The following LINGO2 variants were observed in gnomAD, a reference collection of about 807,000 sequenced individuals.
LINGO2 encodes leucine-rich repeat and immunoglobulin-like domain-containing nogo receptor-interacting protein 2.
LINGO2 carries 14 observed loss-of-function variants against 30.6 expected under a neutral mutation model. That is an observed-to-expected ratio of 0.46 (90% CI 0.30 to 0.72). The LOEUF (loss-of-function observed/expected upper bound fraction) is 0.72. Ranked by LOEUF, LINGO2 falls within the 30% of genes least tolerant of loss-of-function variation. The pLI, the probability that LINGO2 is intolerant of heterozygous loss-of-function variation, is 0.07. For missense variants in LINGO2, 729 were observed against 751.7 expected (o/e 0.97, Z 0.35); for synonymous variants, 317 against 288.5 (o/e 1.10, Z -1.00).
chr9:28,086,346 A>G (rs2167644), intron 4 of LINGO2, among the ~76,000 whole-genome samples: 30,122 of 152,064 alleles, frequency 0.2, 3,329 homozygotes, highest in East Asian at 0.4. Context: ...GGAAAAGCCT[A>G]TATTTCATTG....
At chr9:29,021,680 G>T in the LINGO2 span, among the ~76,000 whole-genome samples, 2 of 98,800 alleles carry the variant, frequency 2.0e-5, no homozygotes, top group African/African-American at 7.1e-5. Flanking sequence ...AGAAAGAAAA[G>T]AAAGGAAGGA....
intron 2 of LINGO2, among the ~76,000 whole-genome samples, chr9:28,460,852 A>G (rs2135119590): frequency 6.6e-6 from 1 of 152,136 alleles, no homozygotes; most frequent in South Asian, 2.1e-4. Flanking sequence ...GGAGGTGAAG[A>G]AAAGGTAAGT....
chr9:28,551,015 T>C (rs2135501610), intron 1 of LINGO2, among the ~76,000 whole-genome samples: 1 of 151,990 alleles, frequency 6.6e-6, no homozygotes, highest in South Asian at 2.1e-4. Context: ...AATTTTGTAA[T>C]TGCTTGTAAT....
chr9:28,431,751 T>C (rs1351896161), intron 2 of LINGO2, among the ~76,000 whole-genome samples: 3 of 152,238 alleles, frequency 2.0e-5, no homozygotes, highest in Non-Finnish European at 2.9e-5. Flanking sequence ...TGCAGTTTTA[T>C]ATAATAAACA....
chr9:29,079,775 T>G, the LINGO2 span, among the ~76,000 whole-genome samples: 1 of 146,994 alleles, frequency 6.8e-6, no homozygotes, highest in Non-Finnish European at 1.5e-5. Flanking sequence ...CACCCTGTAG[T>G]GCAGTAAATA....
the LINGO2 span, among the ~76,000 whole-genome samples, chr9:28,769,121 AT>A: frequency 2.0e-5 from 3 of 151,792 alleles, no homozygotes; most frequent in Middle Eastern, 3.4e-3. Context: ...TCTCCCTCCC[AT>A]TTTTTAAGGG....
At chr9:28,588,314 T>A (rs1824671857) in intron 1 of LINGO2, among the ~76,000 whole-genome samples, 1 of 151,992 alleles carries the variant, frequency 6.6e-6, no homozygotes, top group Non-Finnish European at 1.5e-5. Context: ...ACTAAAATTT[T>A]TCAAGGCTTT....
chr9:28,446,773 T>G (rs1165894801), intron 2 of LINGO2, among the ~76,000 whole-genome samples: 2 of 152,174 alleles, frequency 1.3e-5, no homozygotes, highest in African/African-American at 2.4e-5. Context: ...TATTTCACTG[T>G]TAATTAAAAC....
intron 4 of LINGO2, among the ~76,000 whole-genome samples, chr9:28,028,158 C>T (rs1181737124): frequency 6.6e-6 from 1 of 152,072 alleles, no homozygotes; most frequent in Non-Finnish European, 1.5e-5. Flanking sequence ...ACTCTCTTGA[C>T]CGGTGTTTTA....
At chr9:28,578,702 C>T (rs1521736) in intron 1 of LINGO2, among the ~76,000 whole-genome samples, 84,679 of 151,948 alleles carry the variant, frequency 0.56, 24,370 homozygotes, top group East Asian at 0.69. Flanking sequence ...CTTCACTCTA[C>T]GTACAAAGAT....
intron 4 of LINGO2, among the ~76,000 whole-genome samples, chr9:28,018,794 G>T (rs924124269): frequency 6.6e-6 from 1 of 152,124 alleles, no homozygotes; most frequent in African/African-American, 2.4e-5. Context: ...ATTTCTCAAG[G>T]AGCTTAAAAC....
the LINGO2 span, among the ~76,000 whole-genome samples, chr9:28,892,283 CATAGTG>C: frequency 6.6e-6 from 1 of 151,906 alleles, no homozygotes; most frequent in East Asian, 1.9e-4. Context: ...CTTATTTCTC[CATAGTG>C]ATTGCCACTA....
the LINGO2 span, among the ~76,000 whole-genome samples, chr9:29,074,746 C>A: frequency 7.3e-6 from 1 of 137,638 alleles, no homozygotes; most frequent in Non-Finnish European, 1.5e-5. Flanking sequence ...AGGGCAGTGG[C>A]GCAATCTCAG....
At chr9:29,100,071 T>C in the LINGO2 span, among the ~76,000 whole-genome samples, 1 of 152,208 alleles carries the variant, frequency 6.6e-6, no homozygotes, top group Non-Finnish European at 1.5e-5. Flanking sequence ...ATCCTGTCAT[T>C]TGCAACAATA....
the LINGO2 span, among the ~76,000 whole-genome samples, chr9:28,702,828 T>C: frequency 4.9e-4 from 74 of 152,012 alleles, no homozygotes; most frequent in East Asian, 0.014. Context: ...GGCTTACTTC[T>C]TCTCGTGTAA....
At chr9:28,415,578 C>T (rs958243531) in intron 2 of LINGO2, among the ~76,000 whole-genome samples, 1 of 152,150 alleles carries the variant, frequency 6.6e-6, no homozygotes. Flanking sequence ...TCTGAATGCA[C>T]TACCATTTTC....
intron 1 of LINGO2, among the ~76,000 whole-genome samples, chr9:28,525,842 T>A (rs2135413004): frequency 2.0e-5 from 3 of 152,064 alleles, no homozygotes; most frequent in Middle Eastern, 6.8e-3. Flanking sequence ...GATCACGAGG[T>A]CAGGAGATGG....
the LINGO2 span, among the ~76,000 whole-genome samples, chr9:28,843,051 C>T: frequency 5.9e-5 from 9 of 151,796 alleles, no homozygotes; most frequent in African/African-American, 9.7e-5. Flanking sequence ...AACTGAACTA[C>T]GACAACTAAT....
At chr9:28,869,864 T>C in the LINGO2 span, among the ~76,000 whole-genome samples, 1 of 152,012 alleles carries the variant, frequency 6.6e-6, no homozygotes, top group Admixed American at 6.6e-5. Flanking sequence ...CAGTACCCTA[T>C]GGGCTCGTTT....
Sources: allele counts gnomAD v4.1 joint callset (sites outside exome capture counted in the v4.1 genomes callset), GRCh38; gene constraint gnomAD v4.1.1; transcripts MANE v1.5; gene names NCBI Gene and HGNC (gene_info 2026-07-23, HGNC 2026-07-21).